FBN2: variants seen among roughly 807,000 people sequenced by gnomAD.
The protein encoded by FBN2 is fibrillin-2.
A neutral mutation model predicts 355.6 loss-of-function variants in FBN2; 105 were observed. The observed-to-expected ratio is 0.30, with a 90% CI of 0.25 to 0.35. The LOEUF is 0.35. Ranked by LOEUF, FBN2 falls within the 10% of genes least tolerant of loss-of-function variation. The pLI is 1.00. For missense variants in FBN2, 3,280 were observed against 3,758.7 expected (o/e 0.87, Z 3.33); for synonymous variants, 1,350 against 1,301.2 (o/e 1.04, Z -0.81).
chr5:128,439,027 T>G (rs1056851483), intron 7 of FBN2, among the ~76,000 whole-genome samples: 1 of 152,176 alleles, frequency 6.6e-6, no homozygotes, highest in African/African-American at 2.4e-5. Context: ...ATTGCCTTTG[T>G]CATGTAACAA....
chr5:128,528,915 T>TA (rs915392452), intron 3 of FBN2, among the ~76,000 whole-genome samples: 2 of 152,210 alleles, frequency 1.3e-5, no homozygotes, highest in Admixed American at 1.3e-4. Context: ...AAGGAAAAGA[T>TA]AAATCTGAGA....
chr5:128,502,636 T>G (rs1755849972), intron 5 of FBN2, among the ~76,000 whole-genome samples: 1 of 152,104 alleles, frequency 6.6e-6, no homozygotes, highest in African/African-American at 2.4e-5. Flanking sequence ...CCCCTTATGG[T>G]GGAGAGATAA....
chr5:128,301,313 G>A lies in FBN2; in HGVS notation c.6046+69C>T. 6 of 1,300,286 alleles carry A rather than the reference G, an allele frequency of 4.6e-6. 1 individual carries two copies. In the South Asian group the frequency reaches 7.1e-5, roughly 15 times the overall value. 80.5% of individuals were successfully genotyped at this position (1,300,286 alleles called of 1,614,324 possible). On this transcript the variant is annotated intron_variant, in intron 47 of 64. Transcript: ENST00000262464. ...ATATTAATGAGTTCTTAAGTGAAAG[G>A]AGGGAGGCACATATCATCATTTTAC...
At chr5:128,435,460 T>C (rs1178095374) in intron 7 of FBN2, among the ~76,000 whole-genome samples, 1 of 152,242 alleles carries the variant, frequency 6.6e-6, no homozygotes, top group Non-Finnish European at 1.5e-5. Flanking sequence ...TTAATTTCTT[T>C]GCTATCCTTG....
chr5:128,328,606 T>G, intron 34 of FBN2, 90 bp downstream of exon 34: 1 of 1,396,334 alleles, frequency 7.2e-7, no homozygotes, highest in Non-Finnish European at 1.0e-6. Context: ...TGTATTCTGC[T>G]TCCAGGTGGA....
chr5:128,536,522 G>C (rs776473454), intron 1 of FBN2, 38 bp from the exon 2 acceptor site: 37 of 1,457,134 alleles, frequency 2.5e-5, no homozygotes, highest in Non-Finnish European at 3.5e-5. Flanking sequence ...CAGATAGGTA[G>C]AGGGATGCAG....
chr5:128,508,739 C>A (rs1464735219), intron 5 of FBN2, among the ~76,000 whole-genome samples: 1 of 151,918 alleles, frequency 6.6e-6, no homozygotes, highest in Non-Finnish European at 1.5e-5. Context: ...TTTCTTCAGC[C>A]TAAAGAACTG....
chr5:128,387,269 G>A lies in FBN2; in HGVS notation c.1603+4749C>T, dbSNP rs867348745. Among the ~76,000 whole-genome samples the A allele has an allele frequency of 3.9e-5, 6 of 151,900 alleles. No homozygotes were observed. In the South Asian group the frequency reaches 8.3e-4, roughly 21 times the overall value. On this transcript the variant is annotated intron_variant, in intron 11 of 64. Transcript: ENST00000262464. ...TTTTCTAGTTTGTGTGCATAGAGGT[G>A]TCTCAGGATTTCTGTATTTCTTTGG...
At chr5:128,290,014 T>G in intron 50 of FBN2, 67 bp from the exon 51 acceptor site, 1 of 875,390 alleles carries the variant, frequency 1.1e-6, no homozygotes, top group Non-Finnish European at 1.9e-6. Flanking sequence ...TAAGAAAGGA[T>G]GAACAATATA....
intron 5 of FBN2, among the ~76,000 whole-genome samples, chr5:128,470,062 A>G (rs893440265): frequency 2.6e-5 from 4 of 152,226 alleles, no homozygotes; most frequent in African/African-American, 4.8e-5. Flanking sequence ...CGAGTCTAGG[A>G]TACAGTCCTG....
chr5:128,386,663 T>C (rs1163107101), intron 11 of FBN2, among the ~76,000 whole-genome samples: 2 of 152,148 alleles, frequency 1.3e-5, no homozygotes, highest in South Asian at 2.1e-4. Context: ...GCATGGAATG[T>C]TTTTCCATTT....
At chr5:128,394,773 G>C (rs1324760041) in intron 9 of FBN2, among the ~76,000 whole-genome samples, 1 of 151,996 alleles carries the variant, frequency 6.6e-6, no homozygotes. Context: ...TTGACTTCAA[G>C]GACAGGAGCA....
chr5:128,428,459 G>A (rs752656463), intron 7 of FBN2, among the ~76,000 whole-genome samples: 8 of 151,854 alleles, frequency 5.3e-5, no homozygotes, highest in South Asian at 2.1e-4. Context: ...TCCTAATGTC[G>A]TCCCCTAGAT....
At chr5:128,311,264 C>T (rs751949405) in intron 39 of FBN2, 36 bp downstream of exon 39, 32 of 1,612,290 alleles carry the variant, frequency 2.0e-5, no homozygotes, top group Non-Finnish European at 2.3e-5. Context: ...TTGTTTTAAA[C>T]AGCACTGAGC....
rs1399453739 is a variant in FBN2, at chr5:128,318,235, T to C, written c.4631A>G (p.Asn1544Ser). 18 of 1,613,890 alleles carry C rather than the reference T, an allele frequency of 1.1e-5. No individual in the cohort carries two copies. Among genetic ancestry groups the C allele is most frequent in the Non-Finnish European group, 1.4e-5 (17 of 1,179,946 alleles). ...DECADPINCV[N>S]GLCVNTPGRY... ...ACCAGGCGTGTTGACACATAGGCCA[T>C]TGACACAGTTTATAGGATCTGCACA... The change falls in exon 36 of 65, where the codon AAT (asparagine) becomes AGT (serine). Residue 1544 changes from asparagine to serine, a missense_variant. Physicochemically the swap from Asn to Ser is conservative, Grantham distance 46. Transcript: ENST00000262464.
chr5:128,344,873 G>C (rs928010945), intron 24 of FBN2, among the ~76,000 whole-genome samples: 8 of 151,220 alleles, frequency 5.3e-5, no homozygotes, highest in African/African-American at 1.9e-4. Flanking sequence ...GCTAATTTTT[G>C]TATTTTTAGT....
intron 15 of FBN2, among the ~76,000 whole-genome samples, chr5:128,373,459 G>A (rs766349280): frequency 6.6e-6 from 1 of 152,114 alleles, no homozygotes; most frequent in Non-Finnish European, 1.5e-5. Flanking sequence ...ATTTCCATCT[G>A]CAAATTCTCT....
chr5:128,308,656 T>G (rs1749950613), intron 41 of FBN2, among the ~76,000 whole-genome samples: 1 of 152,154 alleles, frequency 6.6e-6, no homozygotes, highest in Admixed American at 6.5e-5. Context: ...TCTTTCATTT[T>G]TTCTTTCAAA....
chr5:128,399,987 T>A (rs1400839423), intron 8 of FBN2, among the ~76,000 whole-genome samples: 1 of 151,856 alleles, frequency 6.6e-6, no homozygotes, highest in Non-Finnish European at 1.5e-5. Flanking sequence ...ATATAATAAA[T>A]ACACATGGAT....
Sources: allele counts gnomAD v4.1 joint callset (sites outside exome capture counted in the v4.1 genomes callset), GRCh38; gene constraint gnomAD v4.1.1; transcripts MANE v1.5; gene names NCBI Gene and HGNC (gene_info 2026-07-23, HGNC 2026-07-21).